The following MIPOL1 variants were observed in gnomAD, a reference collection of about 807,000 sequenced individuals.
The protein encoded by MIPOL1 is mirror-image polydactyly gene 1 protein.
A neutral mutation model predicts 60.9 loss-of-function variants in MIPOL1; 57 were observed. The ratio of observed to expected loss-of-function variants is 0.94; its 90% CI spans 0.76 to 1.17. The LOEUF (loss-of-function observed/expected upper bound fraction) is 1.17, where lower values mean the gene tolerates loss of function less well. Ranked by LOEUF, MIPOL1 falls within the 50% of genes most tolerant of loss-of-function variation. The pLI is 0.00. For synonymous variants in MIPOL1, 179 were observed against 168.8 expected (o/e 1.06, Z -0.47); for missense variants, 551 against 511.6 (o/e 1.08, Z -0.74).
intron 11 of MIPOL1, among the ~76,000 whole-genome samples, chr14:37,429,115 T>C (rs1252471311): frequency 2.6e-5 from 4 of 152,326 alleles, no homozygotes; most frequent in African/African-American, 9.6e-5. Flanking sequence ...AATCTTAAAC[T>C]TGTAGGGATT....
intron 11 of MIPOL1, among the ~76,000 whole-genome samples, chr14:37,488,197 A>G (rs1483151652): frequency 6.6e-6 from 1 of 152,100 alleles, no homozygotes; most frequent in African/African-American, 2.4e-5. Flanking sequence ...ACTGTTTGCT[A>G]TGATTTCCAT....
chr14:37,408,429 AG>A (rs1326504967), intron 10 of MIPOL1, among the ~76,000 whole-genome samples: 4 of 152,086 alleles, frequency 2.6e-5, no homozygotes, highest in Admixed American at 1.3e-4. Context: ...CAGTAGTTCG[AG>A]ACCAGCCTGG....
At chr14:37,413,460 T>G (rs1566556335) in intron 10 of MIPOL1, among the ~76,000 whole-genome samples, 1 of 152,180 alleles carries the variant, frequency 6.6e-6, no homozygotes, top group Non-Finnish European at 1.5e-5. Flanking sequence ...CTCCCATCTC[T>G]CTGGTTCTTA....
chr14:37,402,364 C>A (rs2093500296), intron 10 of MIPOL1, among the ~76,000 whole-genome samples: 1 of 151,990 alleles, frequency 6.6e-6, no homozygotes, highest in African/African-American at 2.4e-5. Context: ...AAAATTAGAT[C>A]AGTACTATAA....
At chr14:37,229,962 C>T (rs945725236) in intron 1 of MIPOL1, among the ~76,000 whole-genome samples, 36 of 151,986 alleles carry the variant, frequency 2.4e-4, no homozygotes, top group African/African-American at 7.0e-4. Context: ...GACAAAATTT[C>T]GGTTTGACAG....
At chr14:37,478,400 AC>A (rs1364559029) in intron 11 of MIPOL1, among the ~76,000 whole-genome samples, 1 of 152,182 alleles carries the variant, frequency 6.6e-6, no homozygotes, top group Non-Finnish European at 1.5e-5. Flanking sequence ...TGGTGATAAA[AC>A]ATCTGATCAC....
chr14:37,384,975 A>G (rs2093026930), intron 10 of MIPOL1, among the ~76,000 whole-genome samples: 1 of 152,042 alleles, frequency 6.6e-6, no homozygotes, highest in African/African-American at 2.4e-5. Flanking sequence ...ACTCCTACTT[A>G]GGTACCTATT....
At chr14:37,456,451 T>A (rs2153578629) in intron 11 of MIPOL1, among the ~76,000 whole-genome samples, 1 of 152,198 alleles carries the variant, frequency 6.6e-6, no homozygotes, top group Non-Finnish European at 1.5e-5. Context: ...ATATTGTACC[T>A]ATGAATTTTT....
chr14:37,330,968 G>T (rs1306004490), intron 9 of MIPOL1, among the ~76,000 whole-genome samples: 1 of 151,984 alleles, frequency 6.6e-6, no homozygotes, highest in Non-Finnish European at 1.5e-5. Flanking sequence ...ACCTTTTTTA[G>T]TTCCTTATGT....
chr14:37,348,114 G>A (rs994961255), intron 9 of MIPOL1, among the ~76,000 whole-genome samples: 4 of 151,928 alleles, frequency 2.6e-5, no homozygotes, highest in Non-Finnish European at 4.4e-5. Flanking sequence ...CCATCTTTAC[G>A]TCCATGCATA....
chr14:37,426,570 C>CATACATATATATATATATAT (rs1555339853), intron 11 of MIPOL1, among the ~76,000 whole-genome samples: 1 of 85,530 alleles, frequency 1.2e-5, no homozygotes, highest in Non-Finnish European at 2.2e-5. Flanking sequence ...TCAAAATATA[C>CATACATATATATATATATAT]ATATATATAT....
chr14:37,202,394 C>T (rs1594411176), intron 1 of MIPOL1, among the ~76,000 whole-genome samples: 1 of 152,008 alleles, frequency 6.6e-6, no homozygotes, highest in South Asian at 2.1e-4. Context: ...TACACACACA[C>T]ACACACACAC....
At chr14:37,199,875 A>G (rs1019494925) in intron 1 of MIPOL1, among the ~76,000 whole-genome samples, 3 of 152,288 alleles carry the variant, frequency 2.0e-5, no homozygotes, top group Admixed American at 1.3e-4. Context: ...ACTGTGTTAC[A>G]GGATAGGCAG....
intron 3 of MIPOL1, among the ~76,000 whole-genome samples, chr14:37,266,063 G>A (rs1015018903): frequency 6.6e-6 from 1 of 152,030 alleles, no homozygotes; most frequent in African/African-American, 2.4e-5. Context: ...ACTTCAAGGG[G>A]TTATAATTAC....
chr14:37,454,078 G>A (rs1594425576), intron 11 of MIPOL1, among the ~76,000 whole-genome samples: 2 of 152,284 alleles, frequency 1.3e-5, no homozygotes, highest in East Asian at 1.9e-4. Flanking sequence ...AGTGGATCTG[G>A]TTAGCCATGA....
intron 12 of MIPOL1, among the ~76,000 whole-genome samples, chr14:37,538,364 G>A (rs996972394): frequency 6.6e-6 from 1 of 152,156 alleles, no homozygotes; most frequent in Admixed American, 6.5e-5. Context: ...TTGCCTGTAA[G>A]AGCTTTTCTC....
chr14:37,460,676 A>G (rs1046956335), intron 11 of MIPOL1, among the ~76,000 whole-genome samples: 1 of 152,208 alleles, frequency 6.6e-6, no homozygotes, highest in African/African-American at 2.4e-5. Context: ...GGATACAAAG[A>G]CAATGTATAA....
chr14:37,424,054 G>A (rs1202920665), intron 11 of MIPOL1, among the ~76,000 whole-genome samples: 1 of 152,092 alleles, frequency 6.6e-6, no homozygotes, highest in Admixed American at 6.6e-5. Flanking sequence ...GTTCATAATT[G>A]TAGGAAATAC....
At chr14:37,447,327 C>G (rs917983372) in intron 11 of MIPOL1, among the ~76,000 whole-genome samples, 1 of 152,116 alleles carries the variant, frequency 6.6e-6, no homozygotes, top group Non-Finnish European at 1.5e-5. Flanking sequence ...AATATACTAT[C>G]TGGCTGATAG....
Sources: gnomAD v4.1 joint callset for allele counts (sites outside exome capture counted in the v4.1 genomes callset) on GRCh38, gnomAD v4.1.1 for gene constraint, MANE v1.5 for transcripts, NCBI Gene and HGNC (gene_info 2026-07-23, HGNC 2026-07-21) for gene names.